DNAJC10: variants seen among roughly 807,000 people sequenced by gnomAD.
The protein encoded by DNAJC10 is endoplasmic reticulum disulfide reductase DNAJC10.
A neutral mutation model predicts 115.0 loss-of-function variants in DNAJC10; 101 were observed. The observed-to-expected ratio is 0.88, with a 90% CI of 0.75 to 1.04. The LOEUF (loss-of-function observed/expected upper bound fraction) is 1.04, where lower values mean the gene tolerates loss of function less well. Among genes scored for constraint, DNAJC10 ranks in the 50% least tolerant of loss-of-function variants. DNAJC10 has a pLI of 0.00. For synonymous variants in DNAJC10, 307 were observed against 301.5 expected, an observed-to-expected ratio of 1.02 and a Z score of -0.19; for missense variants, 981 against 928.8, an observed-to-expected ratio of 1.06 and a Z score of -0.73.
At chr2:182,734,646 A>G (rs1429336380) in intron 10 of DNAJC10, among the ~76,000 whole-genome samples, 3 of 151,984 alleles carry the variant, frequency 2.0e-5, no homozygotes, top group East Asian at 1.9e-4. Context: ...TATTCTATCA[A>G]TAACTGAGAG....
intron 14 of DNAJC10, 81 bp downstream of exon 14, chr2:182,743,793 T>A: frequency 1.1e-6 from 1 of 947,122 alleles, no homozygotes; most frequent in Non-Finnish European, 1.6e-6. Context: ...TTTAAACTTA[T>A]TTTTTACGGA....
chr2:182,727,424 A>G (rs1308220194), intron 5 of DNAJC10, among the ~76,000 whole-genome samples: 1 of 152,146 alleles, frequency 6.6e-6, no homozygotes, highest in Admixed American at 6.5e-5. Context: ...GTTTGCATTA[A>G]TTCTGTTAAT....
chr2:182,728,844 T>C lies in DNAJC10; in HGVS notation c.502-19T>C, dbSNP rs773729343. On this transcript the variant is annotated intron_variant, in intron 6 of 23. Coordinates refer to ENST00000264065, the MANE Select transcript of DNAJC10 (RefSeq NM_018981.4). ...AAAGTGGTCTTATCAGAGAAATATG[T>C]TTTCTTTTTCTGTCATAGTGGAGAG... The C allele has an allele frequency of 6.2e-7, 1 of 1,613,676 alleles. No homozygotes were observed. The highest frequency in any genetic ancestry group is 1.1e-5 in the South Asian group (1 of 91,028).
At position 182,777,411 on chromosome 2, in the gene DNAJC10, T is replaced by C. The variant is rs1221394520; in HGVS notation, c.*279T>C. On this transcript the variant is annotated 3_prime_UTR_variant, in exon 24 of 24. Coordinates refer to ENST00000264065, the MANE Select transcript of DNAJC10 (RefSeq NM_018981.4). ...CATCATGTATTCTTTGTTATTTGCT[T>C]TTAACAACCTTTAAAAAATATTAAA... 4.3e-6 allele frequency: 1 copy of C among 233,242 alleles called. No homozygotes were observed. The highest frequency in any genetic ancestry group is 8.3e-6 in the Non-Finnish European group (1 of 120,078). 14.4% of individuals were successfully genotyped at this position (233,242 alleles called of 1,614,324 possible).
At chr2:182,769,735 G>T (rs1694511017) in intron 22 of DNAJC10, among the ~76,000 whole-genome samples, 1 of 152,002 alleles carries the variant, frequency 6.6e-6, no homozygotes, top group Non-Finnish European at 1.5e-5. Context: ...TTGTCAGATG[G>T]GTAGATTGCC....
chr2:182,721,994 T>C (rs1693162052), intron 4 of DNAJC10, 31 bp from the exon 5 acceptor site: 1 of 1,295,068 alleles, frequency 7.7e-7, no homozygotes, highest in Non-Finnish European at 1.1e-6. Context: ...GAAGTTTTGA[T>C]TTTATAATTT....
At chr2:182,728,339 T>A (rs564065940) in intron 5 of DNAJC10, among the ~76,000 whole-genome samples, 1 of 152,344 alleles carries the variant, frequency 6.6e-6, no homozygotes, top group South Asian at 2.1e-4. Context: ...AGAGTTTTTT[T>A]AAAAAGCTAT....
At chr2:182,748,910 T>A (rs1173620428) in intron 14 of DNAJC10, among the ~76,000 whole-genome samples, 1 of 152,048 alleles carries the variant, frequency 6.6e-6, no homozygotes, top group Non-Finnish European at 1.5e-5. Flanking sequence ...CATTTTGTTA[T>A]GTACCCAGTA....
chr2:182,749,411 T>C (rs1450064959), intron 14 of DNAJC10, among the ~76,000 whole-genome samples: 1 of 148,438 alleles, frequency 6.7e-6, no homozygotes, highest in African/African-American at 2.5e-5. Flanking sequence ...CATTAGGTAA[T>C]GGCCTTCTTT....
intron 11 of DNAJC10, 122 bp from the exon 12 acceptor site, chr2:182,740,177 A>G: frequency 8.5e-7 from 1 of 1,169,698 alleles, no homozygotes; most frequent in Non-Finnish European, 1.1e-6. Context: ...ATTGTTTGAA[A>G]AACTATTTAC....
chr2:182,760,560 A>C (rs972126072), intron 21 of DNAJC10, among the ~76,000 whole-genome samples: 7 of 152,186 alleles, frequency 4.6e-5, no homozygotes, highest in African/African-American at 1.7e-4. Context: ...GTAAATGCTT[A>C]TATAAAATTA....
chr2:182,752,056 A>G lies in DNAJC10; in HGVS notation c.1435-16A>G. 1 of 1,587,720 alleles carries G rather than the reference A, an allele frequency of 6.3e-7. No homozygotes were observed. Among genetic ancestry groups the G allele is most frequent in the South Asian group, 1.1e-5 (1 of 89,374 alleles). On this transcript the variant is annotated splice_polypyrimidine_tract_variant and intron_variant, in intron 15 of 23. Coordinates refer to ENST00000264065, the MANE Select transcript of DNAJC10 (RefSeq NM_018981.4). ...GTCATTTGGCTCGGTGCTTATGAAT[A>G]TTTTTTCTTTCCTAGTGGTGTCCAC... is the stretch of plus-strand genomic sequence containing the variant.
intron 13 of DNAJC10, among the ~76,000 whole-genome samples, chr2:182,742,841 T>C (rs1378585642): frequency 1.3e-5 from 2 of 152,016 alleles, no homozygotes; most frequent in Non-Finnish European, 2.9e-5. Context: ...GCTTTTTCTT[T>C]GTTTTTTTTT....
chr2:182,735,036 A>G (rs1693550244), intron 10 of DNAJC10, among the ~76,000 whole-genome samples: 1 of 150,828 alleles, frequency 6.6e-6, no homozygotes, highest in Non-Finnish European at 1.5e-5. Flanking sequence ...GTTATTCTTG[A>G]TATATTTGGC....
At chr2:182,738,728 G>C (rs1443675225) in intron 11 of DNAJC10, among the ~76,000 whole-genome samples, 2 of 152,136 alleles carry the variant, frequency 1.3e-5, no homozygotes, top group Non-Finnish European at 2.9e-5. Context: ...TTTTGGTAGA[G>C]ACGGGGTTTC....
chr2:182,716,880 A>G (rs1394925585), intron 1 of DNAJC10, 136 bp from the exon 2 acceptor site: 2 of 152,206 alleles, frequency 1.3e-5, no homozygotes, highest in Non-Finnish European at 2.9e-5. Flanking sequence ...GTTCGGCCAC[A>G]CCCACGCTGA....
intron 16 of DNAJC10, among the ~76,000 whole-genome samples, chr2:182,752,959 AC>A (rs983305529): frequency 6.6e-6 from 1 of 152,220 alleles, no homozygotes; most frequent in African/African-American, 2.4e-5. Context: ...TGCAGTTTAA[AC>A]AAACCAAGTG....
At chr2:182,722,179 C>G in intron 5 of DNAJC10, 104 bp downstream of exon 5, 1 of 803,198 alleles carries the variant, frequency 1.2e-6, no homozygotes, top group Non-Finnish European at 2.0e-6. Flanking sequence ...TTTGGAGTTT[C>G]GAACAGTAAT....
At chr2:182,770,990 C>T (rs1694545860) in intron 22 of DNAJC10, among the ~76,000 whole-genome samples, 1 of 152,058 alleles carries the variant, frequency 6.6e-6, no homozygotes, top group Non-Finnish European at 1.5e-5. Flanking sequence ...CCATCAGTAC[C>T]TAGTTTATTG....
Sources: allele counts gnomAD v4.1 joint callset (sites outside exome capture counted in the v4.1 genomes callset), GRCh38; gene constraint gnomAD v4.1.1; transcripts MANE v1.5; gene names NCBI Gene and HGNC (gene_info 2026-07-23, HGNC 2026-07-21).